Variants in GAS2 observed in about 807,000 individuals in gnomAD.
GAS2 encodes growth arrest-specific protein 2.
A neutral mutation model predicts 37.5 loss-of-function variants in GAS2; 20 were observed. That is an observed-to-expected ratio of 0.53 (90% CI 0.37 to 0.77). GAS2 has a LOEUF of 0.77. Among genes scored for constraint, GAS2 ranks in the 30% least tolerant of loss-of-function variants. The pLI is 0.00. For missense variants in GAS2, 336 were observed against 373.4 expected, an observed-to-expected ratio of 0.90 and a Z score of 0.82; for synonymous variants, 144 against 132.2, an observed-to-expected ratio of 1.09 and a Z score of -0.61.
chr11:22,667,230 AGAGT>A (rs1034039990), intron 1 of GAS2: 49 of 152,376 alleles, frequency 3.2e-4, no homozygotes, highest in African/African-American at 1.0e-3. Context: ...AACCAGGGAC[AGAGT>A]GAGGATTTTT....
chr11:22,706,409 G>C (rs1435981263), intron 3 of GAS2, among the ~76,000 whole-genome samples: 1 of 151,726 alleles, frequency 6.6e-6, no homozygotes, highest in African/African-American at 2.4e-5. Context: ...ATGTATACAT[G>C]TGCCACGCTG....
At chr11:22,638,414 C>T (rs558885519) in intron 1 of GAS2, among the ~76,000 whole-genome samples, 1 of 150,568 alleles carries the variant, frequency 6.6e-6, no homozygotes, top group Non-Finnish European at 1.5e-5. Flanking sequence ...GGCGTGATCT[C>T]GGCTCACTGC....
intron 2 of GAS2, among the ~76,000 whole-genome samples, chr11:22,676,448 C>T (rs1032517947): frequency 4.6e-5 from 7 of 152,044 alleles, no homozygotes; most frequent in East Asian, 1.9e-4. Context: ...AGAGCACAGG[C>T]GCTGGAAATA....
At chr11:22,672,584 G>T (rs954663144) in intron 1 of GAS2, 1 of 152,162 alleles carries the variant, frequency 6.6e-6, no homozygotes, top group Non-Finnish European at 1.5e-5. Flanking sequence ...ACATAATAGG[G>T]TGTAGGTAAA....
At position 22,656,756 on chromosome 11, in the gene GAS2, A is replaced by C. The variant is rs551411614; in HGVS notation, c.-20-18094A>C. 2.7e-3 allele frequency among the ~76,000 whole-genome samples: 412 copies of C among 152,212 alleles called. 3 individuals are homozygous for C. The highest frequency in any genetic ancestry group is 9.5e-3 in the African/African-American group (393 of 41,516). The stretch of plus-strand genomic sequence containing the variant: ...TGCACATCACACAGAGATATTGCTT[A>C]TTACTTTCTCAGTGATAGTGTTTGT... On this transcript the variant is annotated intron_variant, in intron 1 of 5. Transcript: ENST00000528582.
At chr11:22,795,201 ATATACT>A (rs1856367326) in intron 7 of GAS2, among the ~76,000 whole-genome samples, 2 of 152,200 alleles carry the variant, frequency 1.3e-5, no homozygotes, top group Non-Finnish European at 2.9e-5. Context: ...ATTGTAAAGG[ATATACT>A]TATACTAAGA....
At chr11:22,710,412 T>C (rs905898444) in intron 3 of GAS2, among the ~76,000 whole-genome samples, 1 of 151,942 alleles carries the variant, frequency 6.6e-6, no homozygotes, top group African/African-American at 2.4e-5. Flanking sequence ...CAATGATAAA[T>C]TATGATGTCA....
At chr11:22,636,419 G>A (rs1858822130) in intron 1 of GAS2, among the ~76,000 whole-genome samples, 1 of 152,044 alleles carries the variant, frequency 6.6e-6, no homozygotes, top group South Asian at 2.1e-4. Flanking sequence ...ATAAAATTGT[G>A]GCTGTCTTTT....
chr11:22,699,990 A>G (rs576054704), intron 3 of GAS2, among the ~76,000 whole-genome samples: 1 of 152,308 alleles, frequency 6.6e-6, no homozygotes, highest in East Asian at 1.9e-4. Context: ...AAGAAGGGAA[A>G]AGGATACTGG....
intron 7 of GAS2, among the ~76,000 whole-genome samples, chr11:22,769,632 T>C (rs1350368008): frequency 6.6e-6 from 1 of 152,246 alleles, no homozygotes; most frequent in Non-Finnish European, 1.5e-5. Flanking sequence ...GAAACAGTTT[T>C]CCCAAAGATG....
At position 22,749,800 on chromosome 11, in the gene GAS2, G is replaced by A. The variant is rs527942324; in HGVS notation, c.615+539G>A. ...CAAAAGTTTTGTCTAACTCTTCAAGGTCGCTCTACTTAGCAGAGCCCTTGA... is the reference window on the plus strand; with the variant it reads ...CAAAAGTTTTGTCTAACTCTTCAAGATCGCTCTACTTAGCAGAGCCCTTGA... On this transcript the variant is annotated intron_variant, in intron 6 of 7. Coordinates refer to ENST00000454584, the MANE Select transcript of GAS2 (RefSeq NM_001143830.3). Among the ~76,000 whole-genome samples the A allele has an allele frequency of 5.9e-5, 9 of 152,116 alleles. No homozygotes were observed. The East Asian group carries it at 1.7e-3, about 29-fold the overall frequency.
At chr11:22,662,881 CA>C (rs535768570), upstream of GAS2, among the ~76,000 whole-genome samples, 25 of 147,650 alleles carry the variant, frequency 1.7e-4, no homozygotes, top group Middle Eastern at 3.4e-3. Context: ...CGTGTCTCTG[CA>C]AAAAAAAAAA....
chr11:22,711,990 T>C (rs149204028), intron 3 of GAS2, among the ~76,000 whole-genome samples: 2 of 152,274 alleles, frequency 1.3e-5, no homozygotes, highest in African/African-American at 4.8e-5. Context: ...CTGAGAAACC[T>C]AAGCACTCAT....
At chr11:22,679,967 C>G (rs1849603667) in intron 2 of GAS2, among the ~76,000 whole-genome samples, 1 of 152,002 alleles carries the variant, frequency 6.6e-6, no homozygotes, top group Non-Finnish European at 1.5e-5. Flanking sequence ...AGTTATTTTC[C>G]ACTTAATATG....
intron 1 of GAS2, among the ~76,000 whole-genome samples, chr11:22,643,722 G>A (rs963171746): frequency 6.6e-6 from 1 of 151,418 alleles, no homozygotes; most frequent in Non-Finnish European, 1.5e-5. Flanking sequence ...TACGGACCGG[G>A]TTCTGTTTTT....
chr11:22,764,406 A>G (rs1180734358), intron 7 of GAS2, among the ~76,000 whole-genome samples: 1 of 151,956 alleles, frequency 6.6e-6, no homozygotes, highest in African/African-American at 2.4e-5. Flanking sequence ...TAAAAATACA[A>G]AAAATTAGCC....
intron 7 of GAS2, among the ~76,000 whole-genome samples, chr11:22,756,772 AT>A (rs1379867597): frequency 6.6e-6 from 1 of 152,172 alleles, no homozygotes; most frequent in Non-Finnish European, 1.5e-5. Context: ...CCAGGAAATA[AT>A]TGCTATTCTG....
chr11:22,634,207 G>A (rs1340390229), intron 1 of GAS2, among the ~76,000 whole-genome samples: 2 of 152,092 alleles, frequency 1.3e-5, no homozygotes, highest in Non-Finnish European at 2.9e-5. Context: ...AGGGGTTTCC[G>A]CTTATAAAAC....
chr11:22,724,140 T>C (rs1852079927), intron 3 of GAS2, among the ~76,000 whole-genome samples: 3 of 151,992 alleles, frequency 2.0e-5, no homozygotes, highest in African/African-American at 7.2e-5. Context: ...TGGCCATCTG[T>C]GTTGCATGTG....
Sources: allele counts gnomAD v4.1 joint callset (sites outside exome capture counted in the v4.1 genomes callset), GRCh38; gene constraint gnomAD v4.1.1; transcripts MANE v1.5; gene names NCBI Gene and HGNC (gene_info 2026-07-23, HGNC 2026-07-21).